Variants in OPRD1 observed in about 807,000 individuals in gnomAD.
The protein encoded by OPRD1 is delta-type opioid receptor.
A neutral mutation model predicts 17.5 loss-of-function variants in OPRD1; 19 were observed. The ratio of observed to expected loss-of-function variants is 1.09; its 90% CI spans 0.76 to 1.60. The LOEUF is 1.60. OPRD1 is among the 40% of genes most tolerant of loss of function. OPRD1 has a pLI of 0.00. For missense variants in OPRD1, 483 were observed against 547.2 expected, an observed-to-expected ratio of 0.88 and a Z score of 1.17; for synonymous variants, 256 against 240.9, an observed-to-expected ratio of 1.06 and a Z score of -0.58.
rs1487496961 is a variant in OPRD1, at chr1:28,852,558, C to T, written c.228-6396C>T. Among the ~76,000 whole-genome samples, 7 of 152,066 alleles carry T rather than the reference C, an allele frequency of 4.6e-5. No individual in the cohort carries two copies. The East Asian group carries it at 1.4e-3, about 29-fold the overall frequency. On this transcript the variant is annotated intron_variant, in intron 1 of 2. Coordinates refer to ENST00000234961, the MANE Select transcript of OPRD1 (RefSeq NM_000911.4). ...GGTGGTGAGCACCTGTAGTCCCAGC[C>T]ACTCAGGAGTCTGAGGCCAGAGAAT... is the stretch of plus-strand genomic sequence containing the variant.
chr1:28,843,385 A>G (rs1482157151), intron 1 of OPRD1, among the ~76,000 whole-genome samples: 1 of 152,126 alleles, frequency 6.6e-6, no homozygotes, highest in Non-Finnish European at 1.5e-5. Flanking sequence ...TCGTCTCCAG[A>G]AGTTTTTCAT....
At chr1:28,817,588 G>A (rs1021481897) in intron 1 of OPRD1, among the ~76,000 whole-genome samples, 5 of 152,200 alleles carry the variant, frequency 3.3e-5, no homozygotes, top group Non-Finnish European at 7.3e-5. Context: ...CAGGGCCTCT[G>A]GGCCAGGAGA....
chr1:28,835,521 A>T (rs2088844544), intron 1 of OPRD1, among the ~76,000 whole-genome samples: 1 of 152,202 alleles, frequency 6.6e-6, no homozygotes, highest in Non-Finnish European at 1.5e-5. Context: ...ACTCTCGTTA[A>T]GTGGTGGGCA....
intron 1 of OPRD1, among the ~76,000 whole-genome samples, chr1:28,824,790 A>C (rs1181949169): frequency 6.6e-6 from 1 of 152,172 alleles, no homozygotes; most frequent in Non-Finnish European, 1.5e-5. Flanking sequence ...CAAAGTCCCA[A>C]GATAATTTTG....
In OPRD1 at chr1:28,862,924, C is replaced by A. The variant is rs762165733; in HGVS notation, c.760C>A (p.Arg254Ser). The change falls in exon 3 of 3, where the codon CGC (arginine) becomes AGC (serine). Residue 254 changes from arginine to serine, a missense_variant. Arg to Ser is a moderately radical substitution (Grantham distance 110). Coordinates refer to ENST00000234961, the MANE Select transcript of OPRD1 (RefSeq NM_000911.4). ...RLLSGSKEKD[R>S]SLRRITRMVL... The stretch of plus-strand genomic sequence containing the variant: ...GCTGTCGGGCTCCAAGGAGAAGGAC[C>A]GCAGCCTGCGGCGCATCACGCGCAT... The A allele has an allele frequency of 6.2e-7, 1 of 1,612,722 alleles. No homozygotes were observed. The highest frequency in any genetic ancestry group is 2.2e-5 in the East Asian group (1 of 44,884).
At chr1:28,825,027 G>A (rs958867740) in intron 1 of OPRD1, among the ~76,000 whole-genome samples, 1 of 151,344 alleles carries the variant, frequency 6.6e-6, no homozygotes, top group East Asian at 2.0e-4. Context: ...GTGGAGATGG[G>A]GTTTCACCGT....
In OPRD1 at chr1:28,857,491, C is replaced by T. The variant is rs149459471; in HGVS notation, c.228-1463C>T. 6.6e-5 allele frequency among the ~76,000 whole-genome samples: 10 copies of T among 152,182 alleles called. No homozygotes were observed. The East Asian group carries it at 1.4e-3, about 21-fold the overall frequency. ...TTTATTTACTTATTTATTTTTGAGA[C>T]AGTGTCTTGCTCTGTCAACCACTCC... On this transcript the variant is annotated intron_variant, in intron 1 of 2. Transcript: ENST00000234961.
chr1:28,835,286 G>A (rs1034357433), intron 1 of OPRD1, among the ~76,000 whole-genome samples: 1 of 152,174 alleles, frequency 6.6e-6, no homozygotes, highest in Admixed American at 6.5e-5. Flanking sequence ...GCTGCCATGA[G>A]TGTGTTGTTC....
At chr1:28,855,159 T>TA (rs2089044720) in intron 1 of OPRD1, among the ~76,000 whole-genome samples, 1 of 152,104 alleles carries the variant, frequency 6.6e-6, no homozygotes, top group Non-Finnish European at 1.5e-5. Flanking sequence ...GGGAGGATGG[T>TA]ACTTTAGATA....
intron 1 of OPRD1, among the ~76,000 whole-genome samples, chr1:28,834,006 G>C (rs1412541192): frequency 6.6e-6 from 1 of 152,074 alleles, no homozygotes; most frequent in Non-Finnish European, 1.5e-5. Flanking sequence ...CTGCCTCCTG[G>C]GTTCAAGTGA....
intron 1 of OPRD1, among the ~76,000 whole-genome samples, chr1:28,855,991 C>G (rs999850654): frequency 1.3e-5 from 2 of 152,232 alleles, no homozygotes; most frequent in Non-Finnish European, 2.9e-5. Flanking sequence ...TCACTTCATG[C>G]AGGAACAGCC....
In OPRD1 at chr1:28,812,581, C is replaced by CAACG; in HGVS notation, c.199_202dup (p.Val68GlufsTer13). The CAACG allele has an allele frequency of 6.4e-7, 1 of 1,568,154 alleles. No individual in the cohort carries two copies. The highest frequency in any genetic ancestry group is 8.6e-7 in the Non-Finnish European group (1 of 1,164,116). ...CCGTGTGCGCCGTGGGGCTGCTGGG[C>CAACG]AACGTGCTTGTCATGTTCGGCATCG... On this transcript the variant is annotated frameshift_variant, in exon 1 of 3. Transcript: ENST00000234961. LOFTEE classifies it high-confidence loss of function.
intron 2 of OPRD1, among the ~76,000 whole-genome samples, chr1:28,860,691 C>T (rs1004964879): frequency 6.6e-6 from 1 of 152,152 alleles, no homozygotes; most frequent in Non-Finnish European, 1.5e-5. Flanking sequence ...AGGTGGTTTA[C>T]TTAGGGTCAC....
At chr1:28,839,771 C>G (rs1015072427) in intron 1 of OPRD1, among the ~76,000 whole-genome samples, 1 of 152,216 alleles carries the variant, frequency 6.6e-6, no homozygotes, top group Non-Finnish European at 1.5e-5. Context: ...ATTTCCCCCA[C>G]GACCAGCAGA....
intron 1 of OPRD1, among the ~76,000 whole-genome samples, chr1:28,825,787 G>T (rs1210224407): frequency 1.3e-5 from 2 of 152,250 alleles, no homozygotes; most frequent in Non-Finnish European, 2.9e-5. Flanking sequence ...CAACAGCAGG[G>T]AGGCAGCCCT....
chr1:28,827,475 G>A (rs992828140), intron 1 of OPRD1, among the ~76,000 whole-genome samples: 8 of 152,094 alleles, frequency 5.3e-5, no homozygotes, highest in African/African-American at 9.7e-5. Flanking sequence ...TAGTACAGGC[G>A]CATGCCATTG....
In OPRD1 at chr1:28,861,914, T is replaced by C. The variant is rs1186370988; in HGVS notation, c.578-828T>C. 4.4e-3 allele frequency among the ~76,000 whole-genome samples: 589 copies of C among 133,844 alleles called. 6 individuals carry two copies. The highest frequency in any genetic ancestry group is 0.017 in the African/African-American group (540 of 31,130). 87.8% of individuals were successfully genotyped at this position (133,844 alleles called of 152,430 possible). ...TACCTTAGCCTTTTCTTTTCTTTTCTTTTTTTTTTTTTTTTGAGACGGAGT... is the reference window on the plus strand; with the variant it reads ...TACCTTAGCCTTTTCTTTTCTTTTCCTTTTTTTTTTTTTTTGAGACGGAGT... On this transcript the variant is annotated intron_variant, in intron 2 of 2. Transcript: ENST00000234961.
At chr1:28,823,390 T>C (rs1180250027) in intron 1 of OPRD1, among the ~76,000 whole-genome samples, 2 of 149,678 alleles carry the variant, frequency 1.3e-5, no homozygotes, top group Non-Finnish European at 3.0e-5. Flanking sequence ...TTTGTTTGTT[T>C]ATTTATTTAT....
At position 28,868,420 on chromosome 1, in the gene OPRD1, T is replaced by G. The variant is rs1226385282; in HGVS notation, c.*5137T>G. ...GAGAGCACTCTCTGAAAGCTAGAGATATGGTAAGCAAAGTGCCACCAAAGT... is the reference window on the plus strand; with the variant it reads ...GAGAGCACTCTCTGAAAGCTAGAGAGATGGTAAGCAAAGTGCCACCAAAGT... On this transcript the variant is annotated 3_prime_UTR_variant, in exon 3 of 3. Coordinates refer to ENST00000234961, the MANE Select transcript of OPRD1 (RefSeq NM_000911.4). 1.3e-5 allele frequency: 2 copies of G among 152,304 alleles called. No homozygotes were observed. Among genetic ancestry groups the G allele is most frequent in the African/African-American group, 4.8e-5 (2 of 41,568 alleles). 9.4% of individuals were successfully genotyped at this position (152,304 alleles called of 1,614,324 possible). A position where few individuals can be genotyped will look rare whatever the true frequency, so the allele number is the denominator to read the frequency against.
Sources: allele counts gnomAD v4.1 joint callset (sites outside exome capture counted in the v4.1 genomes callset), GRCh38; gene constraint gnomAD v4.1.1; transcripts MANE v1.5; gene names NCBI Gene and HGNC (gene_info 2026-07-23, HGNC 2026-07-21).